Variants in AUTS2 observed in about 807,000 individuals in gnomAD.
The protein encoded by AUTS2 is activator of transcription and developmental regulator AUTS2, also known as autism susceptibility gene 2 protein.
AUTS2 carries 17 observed loss-of-function variants against 112.4 expected under a neutral mutation model. The observed-to-expected ratio is 0.15, with a 90% CI of 0.10 to 0.23. AUTS2 has a LOEUF of 0.23. AUTS2 is among the 10% of genes least tolerant of loss of function. The pLI is 1.00. For missense variants in AUTS2, 1,510 were observed against 1,701.6 expected (o/e 0.89, Z 1.98); for synonymous variants, 751 against 702.7 (o/e 1.07, Z -1.09).
intron 4 of AUTS2, chr7:70,294,318 T>C (rs1788836928): frequency 6.6e-6 from 1 of 152,210 alleles, no homozygotes; most frequent in Non-Finnish European, 1.5e-5. Context: ...TACCGTGTTC[T>C]CATATTCTGT....
At chr7:70,400,481 A>G (rs1471828488) in intron 4 of AUTS2, among the ~76,000 whole-genome samples, 1 of 152,328 alleles carries the variant, frequency 6.6e-6, no homozygotes, top group East Asian at 1.9e-4. Context: ...CAGAGAAAAC[A>G]GTTTGACCGA....
intron 2 of AUTS2, among the ~76,000 whole-genome samples, chr7:70,074,638 C>T (rs1031987739): frequency 2.0e-5 from 3 of 152,128 alleles, no homozygotes; most frequent in African/African-American, 4.8e-5. Flanking sequence ...CTGTCTAGTC[C>T]GGTCTTCTAG....
At chr7:70,561,284 G>A (rs145787153) in intron 5 of AUTS2, among the ~76,000 whole-genome samples, 13 of 152,248 alleles carry the variant, frequency 8.5e-5, no homozygotes, top group East Asian at 3.9e-4. Context: ...TGTACCAGTC[G>A]AGATGCTTTT....
chr7:69,977,884 G>A (rs1039616109), intron 2 of AUTS2, among the ~76,000 whole-genome samples: 2 of 152,130 alleles, frequency 1.3e-5, no homozygotes, highest in Non-Finnish European at 2.9e-5. Flanking sequence ...GGGCCCCCAG[G>A]TTTTAAGCCA....
intron 4 of AUTS2, among the ~76,000 whole-genome samples, chr7:70,316,513 C>T (rs1365479617): frequency 1.3e-5 from 2 of 151,146 alleles, no homozygotes; most frequent in African/African-American, 2.4e-5. Flanking sequence ...AAGCGACTCT[C>T]CTGCCTCAGC....
chr7:69,913,847 G>T (rs1166469727), intron 2 of AUTS2, among the ~76,000 whole-genome samples: 1 of 151,998 alleles, frequency 6.6e-6, no homozygotes, highest in East Asian at 1.9e-4. Flanking sequence ...TCCAGCTCCC[G>T]ACCTTCCATT....
chr7:70,774,844 A>G (rs1247191331), intron 12 of AUTS2: 1 of 153,810 alleles, frequency 6.5e-6, no homozygotes, highest in African/African-American at 2.4e-5. Flanking sequence ...CTATGTAAGT[A>G]TGTCATGATG....
At chr7:70,473,278 A>T (rs1223311625) in intron 5 of AUTS2, among the ~76,000 whole-genome samples, 1 of 152,246 alleles carries the variant, frequency 6.6e-6, no homozygotes, top group Non-Finnish European at 1.5e-5. Flanking sequence ...TATGAATTTC[A>T]GCATGTAACC....
At chr7:70,142,212 C>T (rs1409223831) in intron 4 of AUTS2, among the ~76,000 whole-genome samples, 1 of 152,194 alleles carries the variant, frequency 6.6e-6, no homozygotes, top group Non-Finnish European at 1.5e-5. Flanking sequence ...CAGCCGTTAT[C>T]TCTCTGTCCT....
At position 70,251,510 on chromosome 7, in the gene AUTS2, C is replaced by T. The variant is rs1169047801; in HGVS notation, c.660+116939C>T. 3.9e-5 allele frequency among the ~76,000 whole-genome samples: 6 copies of T among 152,186 alleles called. No homozygotes were observed. The East Asian group carries it at 1.2e-3, about 29-fold the overall frequency. On this transcript the variant is annotated intron_variant, in intron 4 of 18. Transcript: ENST00000342771. ...CTTGTATCTTTGGATTGATATTTTT[C>T]ATCAGTTTTGGAAAATTGTCTATTC...
At chr7:70,337,536 CT>C (rs1211831935) in intron 4 of AUTS2, among the ~76,000 whole-genome samples, 1 of 152,176 alleles carries the variant, frequency 6.6e-6, no homozygotes, top group Non-Finnish European at 1.5e-5. Flanking sequence ...TGCCCTCCCC[CT>C]GTAGAGTGTC....
intron 6 of AUTS2, among the ~76,000 whole-genome samples, chr7:70,709,315 A>G (rs1809918254): frequency 6.6e-6 from 1 of 152,204 alleles, no homozygotes. Flanking sequence ...AAAGTTGAGC[A>G]GATCACTCCA....
At chr7:70,546,268 A>G (rs1800771429) in intron 5 of AUTS2, among the ~76,000 whole-genome samples, 1 of 151,256 alleles carries the variant, frequency 6.6e-6, no homozygotes, top group Non-Finnish European at 1.5e-5. Flanking sequence ...ACATGGTAAA[A>G]CCCCATCTCT....
intron 1 of AUTS2, among the ~76,000 whole-genome samples, chr7:69,755,975 C>T (rs1187794687): frequency 2.6e-5 from 4 of 152,196 alleles, no homozygotes; most frequent in Non-Finnish European, 5.9e-5. Context: ...TTAACTGAGC[C>T]TTGCAAACAG....
chr7:70,438,259 C>T (rs1795977448), intron 5 of AUTS2, among the ~76,000 whole-genome samples: 1 of 152,104 alleles, frequency 6.6e-6, no homozygotes, highest in Non-Finnish European at 1.5e-5. Flanking sequence ...GGGAAGGTAG[C>T]TCCCACCTAC....
At position 70,747,729 on chromosome 7, in the gene AUTS2, G is replaced by A. The variant is rs376714099; in HGVS notation, c.743-15141G>A. Among the ~76,000 whole-genome samples, 63 of 151,858 alleles carry A rather than the reference G, an allele frequency of 4.1e-4. 1 individual carries two copies. In the South Asian group the frequency reaches 7.7e-3, roughly 19 times the overall value. On this transcript the variant is annotated intron_variant, in intron 6 of 18. Coordinates refer to ENST00000342771, the MANE Select transcript of AUTS2 (RefSeq NM_015570.4). ...TTGAACTCTTGACCTCAGGTGATCC[G>A]CCCGCCTCAGCCTCCCCAAGTGCTG...
Position 70,571,014 on chromosome 7 carries a change from C to T in AUTS2, c.691-127555C>T, listed in dbSNP as rs192824846. Among the ~76,000 whole-genome samples the T allele has an allele frequency of 7.2e-5, 11 of 152,286 alleles. No individual in the cohort carries two copies. The East Asian group carries it at 1.2e-3, about 16-fold the overall frequency. On this transcript the variant is annotated intron_variant, in intron 5 of 18. Transcript: ENST00000342771. ...GGCTGCCTTTGCTATTCCTCCACCA[C>T]GTAGGTCCTTTAGAATGGCAAGCCT...
At chr7:69,720,471 T>G (rs868092645) in intron 1 of AUTS2, among the ~76,000 whole-genome samples, 1 of 152,156 alleles carries the variant, frequency 6.6e-6, no homozygotes, top group African/African-American at 2.4e-5. Context: ...GCTCCTAAAT[T>G]TAGGATGAAA....
At chr7:69,626,333 A>T (rs919639741) in intron 1 of AUTS2, among the ~76,000 whole-genome samples, 4 of 150,748 alleles carry the variant, frequency 2.7e-5, no homozygotes, top group East Asian at 1.9e-4. Flanking sequence ...AATTATTATT[A>T]TTTTTTTTTG....
Sources: gnomAD v4.1 joint callset for allele counts (sites outside exome capture counted in the v4.1 genomes callset) on GRCh38, gnomAD v4.1.1 for gene constraint, MANE v1.5 for transcripts, NCBI Gene and HGNC (gene_info 2026-07-23, HGNC 2026-07-21) for gene names.